GPR39: variants seen among roughly 807,000 people sequenced by gnomAD.
The protein encoded by GPR39 is G protein-coupled receptor 39.
Under a neutral mutation model 18.4 loss-of-function variants are expected in GPR39, and 23 were observed. The observed-to-expected ratio is 1.25, with a 90% CI of 0.90 to 1.77. The LOEUF is 1.77. Ranked by LOEUF, GPR39 falls within the 40% of genes most tolerant of loss-of-function variation. The pLI, the probability that GPR39 is intolerant of heterozygous loss-of-function variation, is 0.00. For synonymous variants in GPR39, 280 were observed against 257.9 expected, an observed-to-expected ratio of 1.09 and a Z score of -0.82; for missense variants, 647 against 602.4, an observed-to-expected ratio of 1.07 and a Z score of -0.78.
chr2:132,637,529 G>A (rs897002399), intron 1 of GPR39, among the ~76,000 whole-genome samples: 5 of 152,228 alleles, frequency 3.3e-5, no homozygotes, highest in African/African-American at 1.2e-4. Context: ...GTTGTGGCCT[G>A]CGCCTTTCTG....
At chr2:132,477,118 A>G (rs894884539) in intron 1 of GPR39, among the ~76,000 whole-genome samples, 2 of 152,230 alleles carry the variant, frequency 1.3e-5, no homozygotes, top group Non-Finnish European at 2.9e-5. Flanking sequence ...TGGGAATAAT[A>G]ATTGCTGCAG....
intron 1 of GPR39, among the ~76,000 whole-genome samples, chr2:132,492,976 C>T (rs1477206610): frequency 7.1e-6 from 1 of 141,774 alleles, no homozygotes; most frequent in Non-Finnish European, 1.5e-5. Context: ...ACCATATATA[C>T]ACCATATATA....
chr2:132,577,599 A>G (rs1312751929), intron 1 of GPR39, among the ~76,000 whole-genome samples: 1 of 152,176 alleles, frequency 6.6e-6, no homozygotes, highest in Non-Finnish European at 1.5e-5. Flanking sequence ...TAAGACATAT[A>G]TGATTTGTTG....
intron 1 of GPR39, among the ~76,000 whole-genome samples, chr2:132,536,619 T>G (rs1346322419): frequency 6.6e-6 from 1 of 152,222 alleles, no homozygotes; most frequent in African/African-American, 2.4e-5. Flanking sequence ...GTCCTGAATA[T>G]CCTTGTTAAT....
chr2:132,622,192 G>T (rs899051004), intron 1 of GPR39, among the ~76,000 whole-genome samples: 2 of 152,136 alleles, frequency 1.3e-5, no homozygotes, highest in African/African-American at 4.8e-5. Flanking sequence ...TCAGGAGTTC[G>T]AGACCAGCCA....
In GPR39 at chr2:132,645,801, C is replaced by A; in HGVS notation, c.*195C>A. 1.3e-6 allele frequency: 1 copy of A among 770,788 alleles called. No individual in the cohort carries two copies. Among genetic ancestry groups the A allele is most frequent in the East Asian group, 2.7e-5 (1 of 36,704 alleles). 47.7% of individuals were successfully genotyped at this position (770,788 alleles called of 1,614,324 possible). Reference sequence around the variant, plus strand: ...CTGGCCTTGACTCCGGTTACACAGACATGGGGGTGAACTTTCACTCCACCT... The same window carrying A: ...CTGGCCTTGACTCCGGTTACACAGAAATGGGGGTGAACTTTCACTCCACCT... On this transcript the variant is annotated 3_prime_UTR_variant, in exon 2 of 2. Transcript: ENST00000329321.
At chr2:132,635,752 C>CT (rs1409637147) in intron 1 of GPR39, among the ~76,000 whole-genome samples, 2 of 152,152 alleles carry the variant, frequency 1.3e-5, no homozygotes, top group Non-Finnish European at 2.9e-5. Flanking sequence ...CCAAATCTGA[C>CT]TGTATTTGGG....
At chr2:132,557,668 G>A (rs573496927) in intron 1 of GPR39, among the ~76,000 whole-genome samples, 6 of 152,086 alleles carry the variant, frequency 3.9e-5, no homozygotes, top group South Asian at 2.1e-4. Context: ...CTGCTCCACC[G>A]CAGTCAGAGG....
At chr2:132,644,730 T>C (rs1573717037) in intron 1 of GPR39, 1 of 219,556 alleles carries the variant, frequency 4.6e-6, no homozygotes, top group East Asian at 1.2e-4. Context: ...GTATACATCT[T>C]TTTCTTTAAA....
chr2:132,560,212 T>A (rs1297660791), intron 1 of GPR39, among the ~76,000 whole-genome samples: 1 of 152,164 alleles, frequency 6.6e-6, no homozygotes, highest in Non-Finnish European at 1.5e-5. Flanking sequence ...TCTGCCAGGG[T>A]CTGGCTGGGT....
chr2:132,578,887 T>G (rs1400003042), intron 1 of GPR39, among the ~76,000 whole-genome samples: 2 of 152,120 alleles, frequency 1.3e-5, no homozygotes, highest in Non-Finnish European at 2.9e-5. Context: ...TTGTTCATCT[T>G]GCTAGAAATG....
At chr2:132,604,927 A>G (rs1042938637) in intron 1 of GPR39, 3 of 152,268 alleles carry the variant, frequency 2.0e-5, no homozygotes, top group African/African-American at 7.2e-5. Context: ...ATGAAACTAC[A>G]TAACAATAAC....
intron 1 of GPR39, among the ~76,000 whole-genome samples, chr2:132,512,150 G>A (rs1022775126): frequency 2.0e-5 from 3 of 152,186 alleles, no homozygotes; most frequent in Admixed American, 2.0e-4. Flanking sequence ...GGGTAATTAT[G>A]CATTTCTTCA....
intron 1 of GPR39, among the ~76,000 whole-genome samples, chr2:132,560,819 C>A (rs1354323901): frequency 6.6e-6 from 1 of 152,192 alleles, no homozygotes; most frequent in African/African-American, 2.4e-5. Context: ...ATGCTGTTGA[C>A]TCAGGAACTC....
At chr2:132,460,919 C>T (rs1680820175) in intron 1 of GPR39, among the ~76,000 whole-genome samples, 1 of 152,108 alleles carries the variant, frequency 6.6e-6, no homozygotes, top group African/African-American at 2.4e-5. Context: ...GAGCAGGCTG[C>T]CAGGGACATC....
At chr2:132,474,329 A>T (rs931818113) in intron 1 of GPR39, among the ~76,000 whole-genome samples, 2 of 152,148 alleles carry the variant, frequency 1.3e-5, no homozygotes, top group South Asian at 4.1e-4. Context: ...TGGCCTCTAG[A>T]CCAATAACCA....
intron 1 of GPR39, among the ~76,000 whole-genome samples, chr2:132,530,121 A>C (rs988613480): frequency 1.3e-5 from 2 of 152,192 alleles, no homozygotes; most frequent in South Asian, 2.1e-4. Flanking sequence ...AAATTAGACG[A>C]ATGGCTAACT....
chr2:132,538,911 C>T (rs926336000), intron 1 of GPR39, among the ~76,000 whole-genome samples: 2 of 152,188 alleles, frequency 1.3e-5, no homozygotes, highest in Admixed American at 6.5e-5. Flanking sequence ...CGCCTCTCCC[C>T]CGACCAAACT....
intron 1 of GPR39, among the ~76,000 whole-genome samples, chr2:132,503,220 G>C (rs749899790): frequency 6.6e-6 from 1 of 152,142 alleles, no homozygotes; most frequent in Non-Finnish European, 1.5e-5. Context: ...GAAGATCTTG[G>C]ATTCAAGGGC....
Sources: gnomAD v4.1 joint callset for allele counts (sites outside exome capture counted in the v4.1 genomes callset) on GRCh38, gnomAD v4.1.1 for gene constraint, MANE v1.5 for transcripts, NCBI Gene and HGNC (gene_info 2026-07-23, HGNC 2026-07-21) for gene names.